Variants in SEMA6B observed in about 807,000 individuals in gnomAD.
The protein encoded by SEMA6B is semaphorin-6B.
Under a neutral mutation model 78.6 loss-of-function variants are expected in SEMA6B, and 47 were observed. The ratio of observed to expected loss-of-function variants is 0.60; its 90% CI spans 0.47 to 0.76. The LOEUF is 0.76. SEMA6B is among the 30% of genes least tolerant of loss of function. SEMA6B has a pLI of 0.00. For missense variants in SEMA6B, 1,213 were observed against 1,269.9 expected, an observed-to-expected ratio of 0.96 and a Z score of 0.68; for synonymous variants, 632 against 592.2, an observed-to-expected ratio of 1.07 and a Z score of -0.98.
chr19:4,558,741 CTAA>C lies in SEMA6B; in HGVS notation c.-32-255_-32-253del, dbSNP rs1977543098. Among the ~76,000 whole-genome samples the C allele has an allele frequency of 6.6e-6, 1 of 151,916 alleles. No homozygotes were observed. Among genetic ancestry groups the C allele is most frequent in the South Asian group, 2.1e-4 (1 of 4,834 alleles). On this transcript the variant is annotated intron_variant, in intron 1 of 16. Coordinates refer to ENST00000586582, the MANE Select transcript of SEMA6B (RefSeq NM_032108.4). This position sits in a 1 kb window ranked among gnomAD's most constrained non-coding sequence, Gnocchi z 5.1. ...CAAAACTGCATTCGGTAATTTAAAA[CTAA>C]TAATAATTATTATAATAATAGATAC... is the stretch of plus-strand genomic sequence containing the variant.
rs199657343 is a variant in SEMA6B at position 4,548,204 on chromosome 19, G to A, written c.1455-31C>T. 1.2e-3 allele frequency: 1,973 copies of A among 1,588,588 alleles called. 1 individual carries two copies. The highest frequency in any genetic ancestry group is 1.6e-3 in the Non-Finnish European group (1,828 of 1,160,858). On this transcript the variant is annotated intron_variant, in intron 13 of 16. Coordinates refer to ENST00000586582, the MANE Select transcript of SEMA6B (RefSeq NM_032108.4). ...GACAAGCAGAGTGGTGAGGCTGAGC[G>A]CATCTCAGCCCATCTCCCCTCCTGC...
intron 3 of SEMA6B, among the ~76,000 whole-genome samples, chr19:4,557,786 C>T (rs1197760552): frequency 6.6e-6 from 1 of 152,214 alleles, no homozygotes; most frequent in Non-Finnish European, 1.5e-5. Flanking sequence ...ATTCTCGCCC[C>T]CTCCCAGAAG....
At position 4,551,137 on chromosome 19, in the gene SEMA6B, C is replaced by T. The variant is rs368606862; in HGVS notation, c.990-207G>A. ...GGGCCACAGTTCAGGGTCTACGAGGCCACCCCTGTCCAGGCCCCCATCCCT... is the reference window on the plus strand; with the variant it reads ...GGGCCACAGTTCAGGGTCTACGAGGTCACCCCTGTCCAGGCCCCCATCCCT... On this transcript the variant is annotated intron_variant, in intron 10 of 16. Coordinates refer to ENST00000586582, the MANE Select transcript of SEMA6B (RefSeq NM_032108.4). 3.9e-5 allele frequency among the ~76,000 whole-genome samples: 6 copies of T among 152,134 alleles called. No homozygotes were observed. In the East Asian group the frequency reaches 9.7e-4, roughly 24 times the overall value.
chr19:4,543,775 C>T lies in SEMA6B; in HGVS notation c.2493G>A (p.Arg831=), dbSNP rs573313912. The T allele has an allele frequency of 4.9e-6, 6 of 1,223,274 alleles. No individual in the cohort carries two copies. The highest frequency in any genetic ancestry group is 6.1e-6 in the Non-Finnish European group (6 of 982,684). The allele number at this position is 1,223,274 out of a possible 1,614,324, so 75.8% of individuals were successfully genotyped here. A position where few individuals can be genotyped will look rare whatever the true frequency, so the allele number is the denominator to read the frequency against. The change falls in exon 17 of 17, where the codon AGG becomes AGA. Residue 831 remains arginine, a synonymous_variant. Transcript: ENST00000586582. ...WSPPPTGSLR[R]PLGPHAPPAA... ...CCGGAGGGGCGTGGGGGCCCAGTGG[C>T]CTCCTCAGGCTGCCCGTCGGGGGCG...
intron 14 of SEMA6B, among the ~76,000 whole-genome samples, chr19:4,547,356 T>G (rs1437682744): frequency 6.6e-6 from 1 of 152,160 alleles, no homozygotes; most frequent in Non-Finnish European, 1.5e-5. Flanking sequence ...ATAAGCAAAC[T>G]GACGCTCCAG....
Position 4,544,577 on chromosome 19 carries a change from G to A in SEMA6B, c.1739-48C>T. The A allele has an allele frequency of 7.9e-7, 1 of 1,259,850 alleles. No homozygotes were observed. Among genetic ancestry groups the A allele is most frequent in the Non-Finnish European group, 1.0e-6 (1 of 954,792 alleles). 78.0% of individuals were successfully genotyped at this position (1,259,850 alleles called of 1,614,324 possible). On this transcript the variant is annotated intron_variant, in intron 16 of 16. Coordinates refer to ENST00000586582, the MANE Select transcript of SEMA6B (RefSeq NM_032108.4). The surrounding 1 kb of genome is among the most constrained non-coding windows in gnomAD (Gnocchi z 5.1). ...TTAGTGGGGCCGGCGGGGTGGCCCT[G>A]GGCATCCCTCCTACCTCCTCGGGGC...
At chr19:4,545,072 G>C (rs566719639) in intron 16 of SEMA6B, among the ~76,000 whole-genome samples, 53 of 152,164 alleles carry the variant, frequency 3.5e-4, no homozygotes, top group African/African-American at 1.3e-3. Flanking sequence ...GGCCAGGCAT[G>C]ATGGCTCACA....
chr19:4,543,735 G>A lies in SEMA6B; in HGVS notation c.2533C>T (p.Arg845Cys), dbSNP rs1490394554. 3 of 1,227,752 alleles carry A rather than the reference G, an allele frequency of 2.4e-6. No individual in the cohort carries two copies. The highest frequency in any genetic ancestry group is 1.6e-5 in the African/African-American group (1 of 64,252). The allele number at this position is 1,227,752 out of a possible 1,614,324, so 76.1% of individuals were successfully genotyped here. The change falls in exon 17 of 17, where the codon CGC (arginine) becomes TGC (cysteine). Residue 845 changes from arginine (R) to cysteine (C), a missense_variant. By Grantham distance (180) the Arg-to-Cys change is radical. Coordinates refer to ENST00000586582, the MANE Select transcript of SEMA6B (RefSeq NM_032108.4). ...PHAPPAATLR[R>C]THTFNSGEAR... ...TCGCCGCTGTTGAACGTGTGGGTGC[G>A]GCGCAGGGTGGCGGCCGGAGGGGCG...
chr19:4,555,148 G>A lies in SEMA6B; in HGVS notation c.563-53C>T, dbSNP rs942538547. 10 of 1,599,464 alleles carry A rather than the reference G, an allele frequency of 6.3e-6. No homozygotes were observed. In the Admixed American group the frequency reaches 8.4e-5, roughly 13 times the overall value. On this transcript the variant is annotated intron_variant, in intron 7 of 16. Transcript: ENST00000586582. The surrounding 1 kb of genome is among the most constrained non-coding windows in gnomAD (Gnocchi z 6.1). The stretch of plus-strand genomic sequence containing the variant: ...CAAGAGATGAGACCGCAGAGGCCAG[G>A]GGCTGGGTGGGTCGAAACTCGATTT...
In SEMA6B at chr19:4,558,474, CAGG is replaced by C; in HGVS notation, c.-20_-18del. On this transcript the variant is annotated 5_prime_UTR_variant, in exon 2 of 17. Coordinates refer to ENST00000586582, the MANE Select transcript of SEMA6B (RefSeq NM_032108.4). The surrounding 1 kb of genome is among the most constrained non-coding windows in gnomAD (Gnocchi z 5.1). The stretch of plus-strand genomic sequence containing the variant: ...GGTCTGCATGGCGAGGGCCAGGCGA[CAGG>C]AGGAGGTGACGCCTGCGGGCAAGGG... 1 of 1,239,860 alleles carries C rather than the reference CAGG, an allele frequency of 8.1e-7. No homozygotes were observed. Among genetic ancestry groups the C allele is most frequent in the Non-Finnish European group, 1.0e-6 (1 of 988,628 alleles). The allele number at this position is 1,239,860 out of a possible 1,614,324, so 76.8% of individuals were successfully genotyped here.
chr19:4,548,213 C>T (rs779320027), intron 13 of SEMA6B, 40 bp from the exon 14 acceptor site: 5 of 1,589,600 alleles, frequency 3.1e-6, no homozygotes, highest in Non-Finnish European at 4.3e-6. Flanking sequence ...CGCATCTCAG[C>T]CCATCTCCCC....
At position 4,550,931 on chromosome 19, in the gene SEMA6B, C is replaced by G; in HGVS notation, c.990-1G>C. On this transcript the variant is annotated splice_acceptor_variant, in intron 10 of 16. Transcript: ENST00000586582. LOFTEE classifies it high-confidence loss of function. The surrounding 1 kb of genome is among the most constrained non-coding windows in gnomAD (Gnocchi z 6.6). ...GGCGCAGACAGCCGAGCCAGGGATG[C>G]TGAGGGGTTGGGATGAAAGAGTTTG... 6.2e-7 allele frequency: 1 copy of G among 1,613,520 alleles called. No homozygotes were observed.
In SEMA6B at chr19:4,558,169, G is replaced by C; in HGVS notation, c.122-20C>G. 1.4e-6 allele frequency: 2 copies of C among 1,435,348 alleles called. No individual in the cohort carries two copies. Among genetic ancestry groups the C allele is most frequent in the South Asian group, 1.5e-5 (1 of 66,646 alleles). 88.9% of individuals were successfully genotyped at this position (1,435,348 alleles called of 1,614,324 possible). On this transcript the variant is annotated intron_variant, in intron 2 of 16. Coordinates refer to ENST00000586582, the MANE Select transcript of SEMA6B (RefSeq NM_032108.4). The surrounding 1 kb of genome is among the most constrained non-coding windows in gnomAD (Gnocchi z 5.1). The stretch of plus-strand genomic sequence containing the variant: ...TCAGGTCTGAGTGAGGGGGTGGAGA[G>C]GGGTGTGAGCAAGGGCTGGGGGTGA...
At chr19:4,557,035 G>A (rs1270445936) in intron 4 of SEMA6B, 22 bp from the exon 5 acceptor site, 1 of 1,610,910 alleles carries the variant, frequency 6.2e-7, no homozygotes, top group Non-Finnish European at 8.5e-7. Flanking sequence ...GAGAGCTGGT[G>A]AGGGGGTAAC....
At chr19:4,549,974 C>T (rs1443169602) in intron 12 of SEMA6B, 149 bp downstream of exon 12, 1 of 722,912 alleles carries the variant, frequency 1.4e-6, no homozygotes, top group East Asian at 2.7e-5. Context: ...AGTGTCTCTC[C>T]ATCTTTCCCT....
Position 4,555,168 on chromosome 19 carries a change from C to A in SEMA6B, c.563-73G>T. 1 of 1,527,452 alleles carries A rather than the reference C, an allele frequency of 6.5e-7. No homozygotes were observed. Among genetic ancestry groups the A allele is most frequent in the African/African-American group, 1.4e-5 (1 of 73,520 alleles). 94.6% of individuals were successfully genotyped at this position (1,527,452 alleles called of 1,614,324 possible). The stretch of plus-strand genomic sequence containing the variant: ...GCCAGGGGCTGGGTGGGTCGAAACT[C>A]GATTTTCTGAGACTGAGTCCTGAGC... On this transcript the variant is annotated intron_variant, in intron 7 of 16. Coordinates refer to ENST00000586582, the MANE Select transcript of SEMA6B (RefSeq NM_032108.4). The surrounding 1 kb of genome is among the most constrained non-coding windows in gnomAD (Gnocchi z 6.1).
chr19:4,551,552 C>G (rs940225897), intron 10 of SEMA6B, among the ~76,000 whole-genome samples: 2 of 150,760 alleles, frequency 1.3e-5, no homozygotes, highest in Non-Finnish European at 3.0e-5. Flanking sequence ...CAAACCTTGG[C>G]CGGGTGCGGT....
chr19:4,547,907 G>T, intron 14 of SEMA6B, 120 bp downstream of exon 14: 1 of 1,299,206 alleles, frequency 7.7e-7, no homozygotes, highest in Non-Finnish European at 1.0e-6. Flanking sequence ...CACGGGCCAT[G>T]CCCTCTGCCC....
At position 4,558,505 on chromosome 19, in the gene SEMA6B, G is replaced by A. The variant is rs1037345371; in HGVS notation, c.-32-16C>T. ...GAGGTGACGCCTGCGGGCAAGGGGC[G>A]GCGAGGTGAGCGGCCTGCAGTCCCG... On this transcript the variant is annotated splice_polypyrimidine_tract_variant and intron_variant, in intron 1 of 16. Coordinates refer to ENST00000586582, the MANE Select transcript of SEMA6B (RefSeq NM_032108.4). The surrounding 1 kb of genome is among the most constrained non-coding windows in gnomAD (Gnocchi z 5.1). The A allele has an allele frequency of 1.6e-6, 2 of 1,234,466 alleles. No homozygotes were observed. Among genetic ancestry groups the A allele is most frequent in the South Asian group, 4.0e-5 (1 of 25,150 alleles). 76.5% of individuals were successfully genotyped at this position (1,234,466 alleles called of 1,614,324 possible).
Sources: allele counts gnomAD v4.1 joint callset (sites outside exome capture counted in the v4.1 genomes callset), GRCh38; gene constraint gnomAD v4.1.1; non-coding constraint Gnocchi (gnomAD v3.1); transcripts MANE v1.5; gene names NCBI Gene and HGNC (gene_info 2026-07-23, HGNC 2026-07-21).